BAZ2B: variants seen among roughly 807,000 people sequenced by gnomAD.
BAZ2B encodes the protein bromodomain adjacent to zinc finger domain protein 2B.
BAZ2B carries 91 observed loss-of-function variants against 246.0 expected under a neutral mutation model. The ratio of observed to expected loss-of-function variants is 0.37; its 90% CI spans 0.31 to 0.44. The LOEUF (loss-of-function observed/expected upper bound fraction) is 0.44. Ranked by LOEUF, BAZ2B falls within the 20% of genes least tolerant of loss-of-function variation. The probability of loss-of-function intolerance (pLI) is 1.00; values close to 1 mark genes in which losing one functional copy is unlikely to be tolerated. For synonymous variants in BAZ2B, 855 were observed against 860.0 expected (o/e 0.99, Z 0.10); for missense variants, 2,332 against 2,533.7 (o/e 0.92, Z 1.71).
At chr2:159,609,496 A>G (rs1694242749) in intron 1 of BAZ2B, among the ~76,000 whole-genome samples, 1 of 152,050 alleles carries the variant, frequency 6.6e-6, no homozygotes, top group Non-Finnish European at 1.5e-5. Flanking sequence ...AAAACTATGT[A>G]TAACTAGTAA....
chr2:159,348,090 G>C (rs2058142974), intron 30 of BAZ2B, among the ~76,000 whole-genome samples: 1 of 151,890 alleles, frequency 6.6e-6, no homozygotes, highest in Admixed American at 6.6e-5. Context: ...AAGCTGAGGT[G>C]AGAGGATCAC....
the BAZ2B span, among the ~76,000 whole-genome samples, chr2:159,658,815 A>C: frequency 5.9e-4 from 89 of 152,036 alleles, no homozygotes; most frequent in South Asian, 8.3e-4. Flanking sequence ...CACTGCACCT[A>C]GCTAAATTTT....
At chr2:159,654,522 C>T in the BAZ2B span, among the ~76,000 whole-genome samples, 4 of 151,984 alleles carry the variant, frequency 2.6e-5, no homozygotes, top group Admixed American at 6.6e-5. Context: ...AGAAACCTGC[C>T]TTCTAAGGTA....
chr2:159,413,859 C>T lies in BAZ2B; in HGVS notation c.2467-1314G>A, dbSNP rs1030340186. Among the ~76,000 whole-genome samples, 19 of 146,642 alleles carry T rather than the reference C, an allele frequency of 1.3e-4. No homozygotes were observed. The East Asian group carries it at 2.2e-3, about 17-fold the overall frequency. On this transcript the variant is annotated intron_variant, in intron 13 of 36. Coordinates refer to ENST00000392783, the MANE Select transcript of BAZ2B (RefSeq NM_013450.4). ...CCACTATGGAGAACAGTTCGGAGGT[C>T]GCTCAAAAAACTAAAAATAGAGCTA...
intron 2 of BAZ2B, among the ~76,000 whole-genome samples, chr2:159,543,728 G>T (rs957083705): frequency 2.0e-5 from 3 of 152,042 alleles, no homozygotes; most frequent in African/African-American, 7.2e-5. Flanking sequence ...TAGAGACGAG[G>T]TTTTGCCATG....
At chr2:159,391,805 C>T (rs908263233) in intron 20 of BAZ2B, among the ~76,000 whole-genome samples, 1 of 151,878 alleles carries the variant, frequency 6.6e-6, no homozygotes, top group Admixed American at 6.6e-5. Context: ...TGGAGATTTC[C>T]AAAAAATTAG....
chr2:159,462,617 T>C (rs2076547130), intron 3 of BAZ2B: 6 of 902,776 alleles, frequency 6.6e-6, no homozygotes, highest in Admixed American at 5.1e-5. Flanking sequence ...TAGCGAATCC[T>C]GTACATCTTT....
intron 27 of BAZ2B, among the ~76,000 whole-genome samples, chr2:159,370,334 A>AT (rs56110903): frequency 0.66 from 96,229 of 145,894 alleles, 34,088 homozygotes; most frequent in Non-Finnish European, 0.81. Context: ...ATATATATTT[A>AT]TTAAAAAAAA....
At chr2:159,550,063 C>G (rs899387836) in intron 2 of BAZ2B, among the ~76,000 whole-genome samples, 1 of 152,098 alleles carries the variant, frequency 6.6e-6, no homozygotes. Context: ...GACAAGTGAT[C>G]TGCCCACCTC....
rs1357727546 is a variant in BAZ2B, at chr2:159,460,671, T to G, written c.146-6870A>C. 5 of 152,086 alleles carry G rather than the reference T, an allele frequency of 3.3e-5. No homozygotes were observed. The East Asian group carries it at 9.6e-4, about 29-fold the overall frequency. The allele number at this position is 152,086 out of a possible 1,614,324, so 9.4% of individuals were successfully genotyped here. A position where few individuals can be genotyped will look rare whatever the true frequency, so the allele number is the denominator to read the frequency against. ...TTAATTAATATCAGTAATAACTTAG[T>G]GTAATAGCAAAAAGAACATCATCAA... On this transcript the variant is annotated intron_variant, in intron 3 of 36. Transcript: ENST00000392783.
chr2:159,530,961 G>A lies in BAZ2B; in HGVS notation c.-3+24862C>T, dbSNP rs528221803. On this transcript the variant is annotated intron_variant, in intron 2 of 36. Transcript: ENST00000392783. ...CTCTAGCCTGGGCAACAGAGACTCC[G>A]TCTCAAAACAAACAAACAAACAAAC... 2.2e-4 allele frequency among the ~76,000 whole-genome samples: 33 copies of A among 148,278 alleles called. No individual in the cohort carries two copies. The East Asian group carries it at 6.2e-3, about 28-fold the overall frequency.
At chr2:159,677,147 G>T in the BAZ2B span, among the ~76,000 whole-genome samples, 1 of 150,968 alleles carries the variant, frequency 6.6e-6, no homozygotes, top group Admixed American at 6.6e-5. Flanking sequence ...ACATATATTT[G>T]CTTGAAAGGT....
At chr2:159,479,202 C>T (rs898817287) in intron 2 of BAZ2B, among the ~76,000 whole-genome samples, 1 of 152,086 alleles carries the variant, frequency 6.6e-6, no homozygotes, top group African/African-American at 2.4e-5. Context: ...CTGGGAATCC[C>T]CCCCATACCC....
At chr2:159,560,480 C>A (rs1297582744) in intron 1 of BAZ2B, among the ~76,000 whole-genome samples, 1 of 152,068 alleles carries the variant, frequency 6.6e-6, no homozygotes, top group East Asian at 1.9e-4. Context: ...GGATTATGGA[C>A]CATGGACATG....
the BAZ2B span, among the ~76,000 whole-genome samples, chr2:159,702,586 T>C: frequency 1.3e-5 from 2 of 152,222 alleles, no homozygotes; most frequent in African/African-American, 2.4e-5. Flanking sequence ...CTGGAAAGCA[T>C]TTGGTTATTA....
intron 2 of BAZ2B, chr2:159,536,101 AGTC>A (rs1158871216): frequency 1.3e-5 from 2 of 152,256 alleles, no homozygotes; most frequent in African/African-American, 4.8e-5. Context: ...AAACCTGTTT[AGTC>A]CAGTGAATAT....
At chr2:159,418,765 C>A (rs2068207413) in intron 13 of BAZ2B, among the ~76,000 whole-genome samples, 1 of 152,092 alleles carries the variant, frequency 6.6e-6, no homozygotes, top group East Asian at 1.9e-4. Context: ...GATTTACAGT[C>A]CTGTGCCACT....
In BAZ2B at chr2:159,591,338, G is replaced by A. The variant is rs546252225; in HGVS notation, c.-46+24904C>T. Among the ~76,000 whole-genome samples, 9 of 152,228 alleles carry A rather than the reference G, an allele frequency of 5.9e-5. No homozygotes were observed. In the South Asian group the frequency reaches 1.9e-3, roughly 32 times the overall value. ...CACACTTACTTCCATTAAAACAGGA[G>A]TTGTAATGGGACATGGTAACTACAG... is the stretch of plus-strand genomic sequence containing the variant. On this transcript the variant is annotated intron_variant, in intron 1 of 36. Coordinates refer to ENST00000392783, the MANE Select transcript of BAZ2B (RefSeq NM_013450.4).
chr2:159,327,164 A>G (rs2063835471), intron 34 of BAZ2B, among the ~76,000 whole-genome samples: 1 of 150,884 alleles, frequency 6.6e-6, no homozygotes, highest in South Asian at 2.1e-4. Context: ...ACATCCTCCC[A>G]TATCAGCCAC....
Sources: gnomAD v4.1 joint callset for allele counts (sites outside exome capture counted in the v4.1 genomes callset) on GRCh38, gnomAD v4.1.1 for gene constraint, MANE v1.5 for transcripts, NCBI Gene and HGNC (gene_info 2026-07-23, HGNC 2026-07-21) for gene names.